KCNQ3: variants seen among roughly 807,000 people sequenced by gnomAD.
KCNQ3 encodes the protein potassium voltage-gated channel subfamily Q member 3, also known as potassium voltage-gated channel subfamily KQT member 3.
KCNQ3 carries 30 observed loss-of-function variants against 92.5 expected under a neutral mutation model. That is an observed-to-expected ratio of 0.32 (90% CI 0.24 to 0.44). The LOEUF (loss-of-function observed/expected upper bound fraction) is 0.44. Ranked by LOEUF, KCNQ3 falls within the 20% of genes least tolerant of loss-of-function variation. The pLI is 1.00. For missense variants in KCNQ3, 913 were observed against 1,140.3 expected, an observed-to-expected ratio of 0.80 and a Z score of 2.87; for synonymous variants, 450 against 468.8, an observed-to-expected ratio of 0.96 and a Z score of 0.52.
intron 8 of KCNQ3, 121 bp from the exon 9 acceptor site, chr8:132,163,615 C>A: frequency 1.1e-6 from 1 of 872,368 alleles, no homozygotes; most frequent in Non-Finnish European, 1.9e-6. Context: ...AGCTCTAGGA[C>A]AGGATGGTCA....
At chr8:132,286,614 A>C (rs1055183618) in intron 1 of KCNQ3, among the ~76,000 whole-genome samples, 4 of 152,168 alleles carry the variant, frequency 2.6e-5, no homozygotes, top group Non-Finnish European at 5.9e-5. Flanking sequence ...AGAATGAATT[A>C]AGACTTTTGA....
chr8:132,382,077 G>A (rs757166040), intron 1 of KCNQ3, among the ~76,000 whole-genome samples: 1 of 152,238 alleles, frequency 6.6e-6, no homozygotes, highest in Non-Finnish European at 1.5e-5. Flanking sequence ...CCCAGGGCAG[G>A]CTGGCCAGAA....
In KCNQ3 at chr8:132,362,126, C is replaced by CAAGAAA. The variant is rs1386017046; in HGVS notation, c.386+118020_386+118021insTTTCTT. Among the ~76,000 whole-genome samples the CAAGAAA allele has an allele frequency of 3.7e-3, 563 of 152,226 alleles. 2 individuals carry two copies. Among genetic ancestry groups the CAAGAAA allele is most frequent in the African/African-American group, 0.012 (518 of 41,556 alleles). ...TTGATAGTGCTTTATATTCTTTCTGCATGTGGCTTGACGATTTTCTTTAGC... is the reference window on the plus strand; with the variant it reads ...TTGATAGTGCTTTATATTCTTTCTGCAAGAAAATGTGGCTTGACGATTTTCTTTAGC... On this transcript the variant is annotated intron_variant, in intron 1 of 14. Coordinates refer to ENST00000388996, the MANE Select transcript of KCNQ3 (RefSeq NM_004519.4).
rs575980924 is a variant in KCNQ3 at position 132,405,660 on chromosome 8, G to A, written c.386+74487C>T. On this transcript the variant is annotated intron_variant, in intron 1 of 14. Coordinates refer to ENST00000388996, the MANE Select transcript of KCNQ3 (RefSeq NM_004519.4). ...CCAGGAGTTTATAACTTAGCATGTC[G>A]ACCAACTCTACGTTCAAAAACAACT... 6.4e-4 allele frequency among the ~76,000 whole-genome samples: 97 copies of A among 152,172 alleles called. 1 individual carries two copies. Among genetic ancestry groups the A allele is most frequent in the African/African-American group, 2.3e-3 (95 of 41,536 alleles).
At chr8:132,395,648 A>G (rs72721049) in intron 1 of KCNQ3, among the ~76,000 whole-genome samples, 22,000 of 152,226 alleles carry the variant, frequency 0.14, 1,781 homozygotes, top group African/African-American at 0.21. Context: ...AGCATCTCCT[A>G]CTAAAGAGAT....
intron 1 of KCNQ3, among the ~76,000 whole-genome samples, chr8:132,443,720 T>C (rs1210353754): frequency 6.6e-6 from 1 of 152,146 alleles, no homozygotes; most frequent in African/African-American, 2.4e-5. Flanking sequence ...ATTTTCTTAA[T>C]TTTGCAGCCA....
rs776380896 is a variant in KCNQ3 at position 132,124,708 on chromosome 8, T to G, written c.*4554A>C. On this transcript the variant is annotated 3_prime_UTR_variant, in exon 15 of 15. Transcript: ENST00000388996. ...TGATTTGAATATAAACAACTTAGAC[T>G]TTAAAAGTTCATCCTGAAAAACAAG... 6.6e-6 allele frequency: 1 copy of G among 152,206 alleles called. No homozygotes were observed. The highest frequency in any genetic ancestry group is 1.5e-5 in the Non-Finnish European group (1 of 68,046). 9.4% of individuals were successfully genotyped at this position (152,206 alleles called of 1,614,324 possible).
At chr8:132,256,133 T>C (rs1296935849) in intron 1 of KCNQ3, among the ~76,000 whole-genome samples, 1 of 151,970 alleles carries the variant, frequency 6.6e-6, no homozygotes, top group African/African-American at 2.4e-5. Context: ...AAAGAAAATA[T>C]GAAAACAATG....
At chr8:132,263,341 A>G (rs909060386) in intron 1 of KCNQ3, among the ~76,000 whole-genome samples, 4 of 152,172 alleles carry the variant, frequency 2.6e-5, no homozygotes, top group African/African-American at 9.7e-5. Context: ...CCTGAATCCC[A>G]TCTCTGGGCC....
intron 1 of KCNQ3, among the ~76,000 whole-genome samples, chr8:132,211,669 T>C (rs866606618): frequency 6.6e-6 from 1 of 152,172 alleles, no homozygotes; most frequent in Admixed American, 6.5e-5. Flanking sequence ...AAAATATCTT[T>C]TGGACGGGCA....
chr8:132,290,370 G>A (rs1229706503), intron 1 of KCNQ3, among the ~76,000 whole-genome samples: 3 of 152,192 alleles, frequency 2.0e-5, no homozygotes, highest in Non-Finnish European at 4.4e-5. Flanking sequence ...TGGTAAGGAT[G>A]TTGTGCTTCA....
chr8:132,171,015 G>A (rs1215591153), intron 7 of KCNQ3, among the ~76,000 whole-genome samples: 1 of 151,912 alleles, frequency 6.6e-6, no homozygotes, highest in Non-Finnish European at 1.5e-5. Flanking sequence ...AAAAGACCCT[G>A]TCTCAAAAAA....
At chr8:132,280,706 A>T (rs1816487599) in intron 1 of KCNQ3, among the ~76,000 whole-genome samples, 2 of 152,234 alleles carry the variant, frequency 1.3e-5, no homozygotes, top group African/African-American at 4.8e-5. Context: ...GCCAGCCATG[A>T]GAAGATATAC....
intron 13 of KCNQ3, among the ~76,000 whole-genome samples, chr8:132,133,098 T>A (rs971372576): frequency 3.9e-5 from 6 of 152,156 alleles, no homozygotes; most frequent in African/African-American, 1.4e-4. Flanking sequence ...TTAAAACATG[T>A]AAGCCATCTC....
At chr8:132,437,266 A>G (rs976974738) in intron 1 of KCNQ3, among the ~76,000 whole-genome samples, 1 of 150,522 alleles carries the variant, frequency 6.6e-6, no homozygotes, top group Non-Finnish European at 1.5e-5. Flanking sequence ...GGCGACAGCG[A>G]GACTCCGTCT....
intron 1 of KCNQ3, among the ~76,000 whole-genome samples, chr8:132,439,810 C>T (rs530117694): frequency 1.3e-5 from 2 of 152,274 alleles, no homozygotes; most frequent in Admixed American, 1.3e-4. Flanking sequence ...CCAGTGAGAC[C>T]TATTTTGGAC....
Position 132,167,581 on chromosome 8 carries a change from A to C in KCNQ3, c.1235+2753T>G, listed in dbSNP as rs140089937. Reference sequence around the variant, plus strand: ...GCCATTAACATACAGAGTGGGTTGGAATTCAGGGACATTCTTTTCCCAAGG... The same window carrying C: ...GCCATTAACATACAGAGTGGGTTGGCATTCAGGGACATTCTTTTCCCAAGG... On this transcript the variant is annotated intron_variant, in intron 8 of 14. Coordinates refer to ENST00000388996, the MANE Select transcript of KCNQ3 (RefSeq NM_004519.4). Among the ~76,000 whole-genome samples the C allele has an allele frequency of 3.1e-4, 47 of 152,334 alleles. No homozygotes were observed. The East Asian group carries it at 8.7e-3, about 28-fold the overall frequency.
At chr8:132,257,890 T>C (rs1211610004) in intron 1 of KCNQ3, among the ~76,000 whole-genome samples, 1 of 151,374 alleles carries the variant, frequency 6.6e-6, no homozygotes, top group Non-Finnish European at 1.5e-5. Flanking sequence ...TCAAACAAAA[T>C]AGACTTAAAT....
chr8:132,465,727 G>C (rs146712647), intron 1 of KCNQ3, among the ~76,000 whole-genome samples: 2 of 151,950 alleles, frequency 1.3e-5, no homozygotes, highest in African/African-American at 4.8e-5. Flanking sequence ...CTGGGCAACA[G>C]AGCGAAACTC....
Sources: gnomAD v4.1 joint callset for allele counts (sites outside exome capture counted in the v4.1 genomes callset) on GRCh38, gnomAD v4.1.1 for gene constraint, MANE v1.5 for transcripts, NCBI Gene and HGNC (gene_info 2026-07-23, HGNC 2026-07-21) for gene names.